The following CDH18 variants were observed in gnomAD, a reference collection of about 807,000 sequenced individuals.
CDH18 encodes cadherin 18.
Under a neutral mutation model 67.9 loss-of-function variants are expected in CDH18, and 31 were observed. The observed-to-expected ratio is 0.46, with a 90% CI of 0.34 to 0.62. The LOEUF (loss-of-function observed/expected upper bound fraction) is 0.62. Among genes scored for constraint, CDH18 ranks in the 20% least tolerant of loss-of-function variants. The probability of loss-of-function intolerance (pLI) is 0.01; values close to 1 mark genes in which losing one functional copy is unlikely to be tolerated. For missense variants in CDH18, 890 were observed against 975.5 expected (o/e 0.91, Z 1.17); for synonymous variants, 362 against 347.2 (o/e 1.04, Z -0.48).
intron 10 of CDH18, among the ~76,000 whole-genome samples, chr5:19,506,206 A>C (rs1561221075): frequency 6.6e-6 from 1 of 152,124 alleles, no homozygotes; most frequent in Non-Finnish European, 1.5e-5. Flanking sequence ...TACAAGGGAC[A>C]TGAAAGACGT....
chr5:20,199,283 G>T (rs192421270), intron 2 of CDH18, among the ~76,000 whole-genome samples: 50 of 152,326 alleles, frequency 3.3e-4, no homozygotes, highest in African/African-American at 1.2e-3. Context: ...GGGCAGAGCT[G>T]CCCAAAGCCA....
intron 2 of CDH18, among the ~76,000 whole-genome samples, chr5:19,931,600 G>T (rs1793706110): frequency 1.3e-5 from 2 of 151,746 alleles, no homozygotes; most frequent in Admixed American, 6.6e-5. Context: ...GTGGTGTCTG[G>T]TTAGAGATCA....
At chr5:20,285,976 T>C (rs961844225) in intron 1 of CDH18, among the ~76,000 whole-genome samples, 1 of 151,696 alleles carries the variant, frequency 6.6e-6, no homozygotes. Flanking sequence ...ATCAGTGTTT[T>C]ACTGTCAGCA....
chr5:20,412,494 T>A (rs1746871686), intron 1 of CDH18, among the ~76,000 whole-genome samples: 1 of 152,068 alleles, frequency 6.6e-6, no homozygotes, highest in Non-Finnish European at 1.5e-5. Context: ...CAACAAAAAA[T>A]TTGACAAACA....
chr5:19,765,792 T>C (rs1773001356), intron 3 of CDH18, among the ~76,000 whole-genome samples: 1 of 152,164 alleles, frequency 6.6e-6, no homozygotes, highest in South Asian at 2.1e-4. Flanking sequence ...ACTCTCCACA[T>C]TGAAATAAAA....
rs893072462 is a variant in CDH18, at chr5:20,460,250, G to A, written c.-580+115212C>T. Among the ~76,000 whole-genome samples the A allele has an allele frequency of 3.3e-5, 5 of 151,862 alleles. No homozygotes were observed. In the East Asian group the frequency reaches 7.7e-4, roughly 23 times the overall value. ...CTACTAAGAATACAGAAATTAGCTG[G>A]GTGTGGTGGTGTGCGCCTGTAGTCC... On this transcript the variant is annotated intron_variant, in intron 1 of 14. Coordinates refer to the CDH18 transcript ENST00000507958.
intron 2 of CDH18, among the ~76,000 whole-genome samples, chr5:20,099,068 A>G (rs6893447): frequency 0.022 from 3,362 of 152,318 alleles, 119 homozygotes; most frequent in African/African-American, 0.072. Flanking sequence ...ATTTAGAGTG[A>G]AACATAAATG....
chr5:19,959,131 G>T (rs1188107085), intron 2 of CDH18, among the ~76,000 whole-genome samples: 2 of 152,050 alleles, frequency 1.3e-5, no homozygotes, highest in Non-Finnish European at 2.9e-5. Flanking sequence ...AGGGAGGGAA[G>T]AGTGAATGAA....
At chr5:19,715,329 CT>C (rs1199337063) in intron 5 of CDH18, among the ~76,000 whole-genome samples, 1 of 152,118 alleles carries the variant, frequency 6.6e-6, no homozygotes, top group Non-Finnish European at 1.5e-5. Flanking sequence ...TCATTGAGGT[CT>C]TTAACTGAGT....
At chr5:20,536,271 G>A (rs1009659426) in intron 1 of CDH18, among the ~76,000 whole-genome samples, 1 of 151,988 alleles carries the variant, frequency 6.6e-6, no homozygotes, top group African/African-American at 2.4e-5. Flanking sequence ...CTAGTTTATT[G>A]AGTAGTAGTT....
intron 1 of CDH18, among the ~76,000 whole-genome samples, chr5:20,478,276 G>T (rs879826554): frequency 2.0e-5 from 3 of 152,214 alleles, no homozygotes; most frequent in South Asian, 2.1e-4. Context: ...TGGCCATAGT[G>T]GGGGAGAGCA....
At chr5:20,569,394 G>A (rs1002607175) in intron 1 of CDH18, among the ~76,000 whole-genome samples, 23 of 152,100 alleles carry the variant, frequency 1.5e-4, no homozygotes, top group African/African-American at 4.8e-4. Flanking sequence ...AGGCCACGGC[G>A]GGCGGATCAT....
chr5:20,398,056 G>A (rs908526070), intron 1 of CDH18, among the ~76,000 whole-genome samples: 2 of 152,082 alleles, frequency 1.3e-5, no homozygotes, highest in African/African-American at 4.8e-5. Flanking sequence ...TGTGCTTATA[G>A]GCTACCACAC....
intron 2 of CDH18, among the ~76,000 whole-genome samples, chr5:19,994,894 A>T (rs1307088522): frequency 6.9e-6 from 1 of 145,808 alleles, no homozygotes; most frequent in Non-Finnish European, 1.5e-5. Flanking sequence ...AAAAAGATAT[A>T]TAGAGAAAAA....
intron 4 of CDH18, 117 bp from the exon 5 acceptor site, chr5:19,721,583 G>C: frequency 2.6e-6 from 2 of 761,768 alleles, no homozygotes; most frequent in Non-Finnish European, 3.9e-6. Flanking sequence ...TTGTGTCCTA[G>C]TAAATTTAAT....
intron 6 of CDH18, among the ~76,000 whole-genome samples, chr5:19,602,943 G>A (rs1287449616): frequency 6.8e-6 from 1 of 147,346 alleles, no homozygotes; most frequent in Non-Finnish European, 1.5e-5. Context: ...CCAGCCTGGT[G>A]AAGAAGAGCG....
chr5:19,975,996 A>G (rs1009943993), intron 2 of CDH18, among the ~76,000 whole-genome samples: 1 of 152,178 alleles, frequency 6.6e-6, no homozygotes, highest in East Asian at 1.9e-4. Flanking sequence ...TTATTTCCAG[A>G]GTCACAGTCA....
chr5:19,674,941 C>A (rs1314064404), intron 5 of CDH18, among the ~76,000 whole-genome samples: 1 of 152,012 alleles, frequency 6.6e-6, no homozygotes, highest in Non-Finnish European at 1.5e-5. Flanking sequence ...AAATTCAGCC[C>A]CCAATATTTC....
chr5:19,862,686 T>C (rs544362222), intron 2 of CDH18, among the ~76,000 whole-genome samples: 2 of 152,320 alleles, frequency 1.3e-5, no homozygotes, highest in South Asian at 2.1e-4. Context: ...TGTCACTTAA[T>C]AGAGGTGACT....
Sources: allele counts gnomAD v4.1 joint callset (sites outside exome capture counted in the v4.1 genomes callset), GRCh38; gene constraint gnomAD v4.1.1; transcripts MANE v1.5; gene names NCBI Gene and HGNC (gene_info 2026-07-23, HGNC 2026-07-21).